Variants in FHIT observed in about 807,000 individuals in gnomAD.
The protein encoded by FHIT is bis(5'-adenosyl)-triphosphatase.
Under a neutral mutation model 17.9 loss-of-function variants are expected in FHIT, and 19 were observed. The ratio of observed to expected loss-of-function variants is 1.06; its 90% CI spans 0.74 to 1.56. The LOEUF (loss-of-function observed/expected upper bound fraction) is 1.56. FHIT is among the 40% of genes most tolerant of loss of function. The probability of loss-of-function intolerance (pLI) is 0.00; values close to 1 mark genes in which losing one functional copy is unlikely to be tolerated. For synonymous variants in FHIT, 81 were observed against 69.7 expected, an observed-to-expected ratio of 1.16 and a Z score of -0.81; for missense variants, 248 against 189.2, an observed-to-expected ratio of 1.31 and a Z score of -1.82.
chr3:60,189,105 G>A (rs1024467226), intron 5 of FHIT, among the ~76,000 whole-genome samples: 1 of 151,936 alleles, frequency 6.6e-6, no homozygotes, highest in Non-Finnish European at 1.5e-5. Context: ...AAATTGCAGA[G>A]GAATTACTCT....
intron 5 of FHIT, among the ~76,000 whole-genome samples, chr3:60,077,906 T>G (rs986662301): frequency 6.6e-6 from 1 of 152,104 alleles, no homozygotes; most frequent in African/African-American, 2.4e-5. Flanking sequence ...AGACGTTGAT[T>G]TGCTTTATGT....
rs56094072 is a variant in FHIT, at chr3:60,571,335, CA to C, written c.-17-34357del. 2.0e-3 allele frequency among the ~76,000 whole-genome samples: 107 copies of C among 54,608 alleles called. 3 individuals are homozygous for C. Among genetic ancestry groups the C allele is most frequent in the African/African-American group, 7.7e-3 (99 of 12,872 alleles). The allele number at this position is 54,608 out of a possible 152,430, so 35.8% of individuals were successfully genotyped here. On this transcript the variant is annotated intron_variant, in intron 4 of 9. Transcript: ENST00000492590. The stretch of plus-strand genomic sequence containing the variant: ...TGGGCAACAGGGCAAGACTCCATCG[CA>C]AAAAAAAAAAAAAAAAAAAAAAAAA...
At chr3:59,837,542 C>T (rs1701382644) in intron 8 of FHIT, among the ~76,000 whole-genome samples, 2 of 152,140 alleles carry the variant, frequency 1.3e-5, no homozygotes, top group Admixed American at 1.3e-4. Flanking sequence ...CAACTGTAAA[C>T]ATTTTCATTA....
At chr3:59,832,699 T>C (rs770218936) in intron 8 of FHIT, among the ~76,000 whole-genome samples, 9 of 152,158 alleles carry the variant, frequency 5.9e-5, no homozygotes, top group Non-Finnish European at 1.3e-4. Flanking sequence ...TATTTGTTTA[T>C]TTGGGGGTTG....
At chr3:60,361,141 T>A (rs1390551466) in intron 5 of FHIT, among the ~76,000 whole-genome samples, 1 of 152,208 alleles carries the variant, frequency 6.6e-6, no homozygotes, top group African/African-American at 2.4e-5. Context: ...AAATACCAAG[T>A]ACTGGGCTAT....
At chr3:60,541,777 T>C (rs1236692912) in intron 4 of FHIT, among the ~76,000 whole-genome samples, 2 of 152,186 alleles carry the variant, frequency 1.3e-5, no homozygotes, top group Non-Finnish European at 2.9e-5. Context: ...CAGAGACCCA[T>C]ACCTGATGAC....
intron 1 of FHIT, among the ~76,000 whole-genome samples, chr3:61,219,112 A>C (rs994058198): frequency 1.3e-5 from 2 of 152,204 alleles, no homozygotes; most frequent in African/African-American, 4.8e-5. Context: ...TGCTGTAAGT[A>C]ATTATAACAC....
chr3:60,843,079 T>C (rs1211794352), intron 3 of FHIT, among the ~76,000 whole-genome samples: 3 of 152,090 alleles, frequency 2.0e-5, no homozygotes, highest in African/African-American at 7.2e-5. Flanking sequence ...ATCAGGTCTG[T>C]CTGCAGAAAG....
chr3:60,240,938 C>T (rs1238019550), intron 5 of FHIT, among the ~76,000 whole-genome samples: 1 of 152,068 alleles, frequency 6.6e-6, no homozygotes, highest in Non-Finnish European at 1.5e-5. Context: ...AGGTTTCTCA[C>T]ACAGGAGGAA....
intron 4 of FHIT, among the ~76,000 whole-genome samples, chr3:60,676,506 A>T (rs941101887): frequency 6.6e-6 from 1 of 152,336 alleles, no homozygotes; most frequent in South Asian, 2.1e-4. Flanking sequence ...AGTCAGAAGC[A>T]GTCTCTCTCA....
chr3:60,305,127 T>C (rs188545017), intron 5 of FHIT, among the ~76,000 whole-genome samples: 231 of 151,706 alleles, frequency 1.5e-3, no homozygotes, highest in African/African-American at 5.4e-3. Flanking sequence ...TATTCCTTTT[T>C]GTTCTTTTTT....
At chr3:59,785,730 C>T (rs1702820994) in intron 8 of FHIT, among the ~76,000 whole-genome samples, 1 of 152,136 alleles carries the variant, frequency 6.6e-6, no homozygotes, top group Non-Finnish European at 1.5e-5. Context: ...AGGATTAATG[C>T]TTGGTATTTG....
At chr3:60,168,326 T>A (rs1468812963) in intron 5 of FHIT, among the ~76,000 whole-genome samples, 2 of 152,180 alleles carry the variant, frequency 1.3e-5, no homozygotes, top group East Asian at 3.9e-4. Context: ...TTACCCTTCA[T>A]TTTCAAGTAC....
At chr3:61,219,367 G>C (rs918635652) in intron 1 of FHIT, among the ~76,000 whole-genome samples, 2 of 148,778 alleles carry the variant, frequency 1.3e-5, no homozygotes, top group Non-Finnish European at 3.0e-5. Flanking sequence ...GTGTGTGTTT[G>C]TGTGTGTCCT....
rs1428765650 is a variant in FHIT, at chr3:60,022,901, T to C, written c.104-8749A>G. On this transcript the variant is annotated intron_variant, in intron 5 of 9. Transcript: ENST00000492590. Reference sequence around the variant, plus strand: ...GACTTGCAATGTCTCTCAGTAACCGTTATGAAAATCTATTATTATTGTTAT... The same window carrying C: ...GACTTGCAATGTCTCTCAGTAACCGCTATGAAAATCTATTATTATTGTTAT... 4.6e-5 allele frequency among the ~76,000 whole-genome samples: 7 copies of C among 152,196 alleles called. No homozygotes were observed. The East Asian group carries it at 1.3e-3, about 29-fold the overall frequency.
chr3:60,457,451 A>C (rs1273480202), intron 5 of FHIT, among the ~76,000 whole-genome samples: 7 of 151,966 alleles, frequency 4.6e-5, no homozygotes, highest in African/African-American at 9.7e-5. Context: ...TAAAGACTTA[A>C]ATGTTAGACC....
intron 5 of FHIT, among the ~76,000 whole-genome samples, chr3:60,416,502 A>C (rs1226610351): frequency 6.6e-6 from 1 of 152,224 alleles, no homozygotes; most frequent in Non-Finnish European, 1.5e-5. Context: ...GTGTGAAAGC[A>C]GTCCCAGACA....
rs147526249 is a variant in FHIT, at chr3:60,522,342, C to T, written c.103+14518G>A. 7.6e-3 allele frequency among the ~76,000 whole-genome samples: 1,158 copies of T among 152,254 alleles called. 14 individuals are homozygous for T. The highest frequency in any genetic ancestry group is 0.027 in the African/African-American group (1,112 of 41,572). ...GCCAGGCTGGTTTCGAACTCCTGAC[C>T]TCAAGTGATCACCTGCCTCAGCCTC... is the stretch of plus-strand genomic sequence containing the variant. On this transcript the variant is annotated intron_variant, in intron 5 of 9. Coordinates refer to ENST00000492590, the MANE Select transcript of FHIT (RefSeq NM_002012.4).
chr3:59,945,381 G>C (rs892532164), intron 7 of FHIT, among the ~76,000 whole-genome samples: 1 of 151,936 alleles, frequency 6.6e-6, no homozygotes, highest in African/African-American at 2.4e-5. Context: ...GTTTTTGCTT[G>C]TTAATTTATT....
Sources: allele counts gnomAD v4.1 joint callset (sites outside exome capture counted in the v4.1 genomes callset), GRCh38; gene constraint gnomAD v4.1.1; transcripts MANE v1.5; gene names NCBI Gene and HGNC (gene_info 2026-07-23, HGNC 2026-07-21).